The following ADGRB1 variants were observed in gnomAD, a reference collection of about 807,000 sequenced individuals.
ADGRB1 encodes the protein brain-specific angiogenesis inhibitor 1.
In ADGRB1, 36 loss-of-function variants were observed where a neutral mutation model predicts 175.7. That is an observed-to-expected ratio of 0.20 (90% CI 0.16 to 0.27). The LOEUF (loss-of-function observed/expected upper bound fraction) is 0.27. Among genes scored for constraint, ADGRB1 ranks in the 10% least tolerant of loss-of-function variants. ADGRB1 has a pLI of 1.00. For synonymous variants in ADGRB1, 1,054 were observed against 979.4 expected (o/e 1.08, Z -1.42); for missense variants, 1,731 against 2,255.3 (o/e 0.77, Z 4.71).
At position 142,522,047 on chromosome 8, in the gene ADGRB1, C is replaced by T; in HGVS notation, c.3107C>T (p.Ser1036Phe). Reference sequence around the variant, plus strand: ...TGGGTGCTCACCGAGGCCTGGCAGTCCTACATGGCGGTGACGGGCCACCTC... The same window carrying T: ...TGGGTGCTCACCGAGGCCTGGCAGTTCTACATGGCGGTGACGGGCCACCTC... ...FCWVLTEAWQSYMAVTGHLRN... is the reference protein window; with the variant it reads ...FCWVLTEAWQFYMAVTGHLRN... Residue 1036 changes from serine (S) to phenylalanine (F), a missense_variant, in exon 21 of 31, where the codon TCC becomes TTC. Ser to Phe is a radical substitution (Grantham distance 155). Transcript: ENST00000517894. The T allele has an allele frequency of 6.2e-7, 1 of 1,613,110 alleles. No homozygotes were observed. The highest frequency in any genetic ancestry group is 8.5e-7 in the Non-Finnish European group (1 of 1,179,684).
rs1168368243 is a variant in ADGRB1, at chr8:142,541,968, G to A, written c.3734G>A (p.Arg1245His). 5 of 1,567,958 alleles carry A rather than the reference G, an allele frequency of 3.2e-6. No individual in the cohort carries two copies. Among genetic ancestry groups the A allele is most frequent in the African/African-American group, 1.4e-5 (1 of 73,588 alleles). The change falls in exon 28 of 31, where the codon CGC becomes CAC. Residue 1245 changes from arginine to histidine, a missense_variant. Around this residue, in one of 8 missense-constraint regions of ADGRB1, gnomAD observed 301 missense variants for 488.4 expected, o/e 0.62. Transcript: ENST00000517894. ...SVLNKDIAACRTATITGTLKR... is the reference protein window; with the variant it reads ...SVLNKDIAACHTATITGTLKR... ...CTGAACAAGGACATCGCGGCCTGCC[G>A]CACTGCCACCATCACGGGCACACTG...
intron 2 of ADGRB1, among the ~76,000 whole-genome samples, chr8:142,467,541 T>C (rs1193712778): frequency 6.6e-6 from 1 of 152,116 alleles, no homozygotes; most frequent in African/African-American, 2.4e-5. Flanking sequence ...GAGAAGAAGA[T>C]CTGGAGGTCA....
chr8:142,459,125 G>A (rs1019988369), intron 1 of ADGRB1, among the ~76,000 whole-genome samples: 1 of 152,244 alleles, frequency 6.6e-6, no homozygotes, highest in African/African-American at 2.4e-5. Context: ...CTGGCATGGG[G>A]TGGGCTCAGG....
intron 1 of ADGRB1, among the ~76,000 whole-genome samples, chr8:142,458,030 A>C (rs1839775609): frequency 6.7e-6 from 1 of 150,022 alleles, no homozygotes; most frequent in Non-Finnish European, 1.5e-5. Context: ...TTTTCTCAGG[A>C]CACACAGGCG....
intron 13 of ADGRB1, 71 bp downstream of exon 13, chr8:142,484,835 G>C: frequency 8.3e-7 from 1 of 1,203,444 alleles, no homozygotes; most frequent in South Asian, 1.4e-5. Flanking sequence ...TTCTGCCTCA[G>C]CATCCTCATC....
Position 142,473,773 on chromosome 8 carries a change from C to A in ADGRB1, c.785-1701C>A, listed in dbSNP as rs1314921664. Among the ~76,000 whole-genome samples, 4 of 152,210 alleles carry A rather than the reference C, an allele frequency of 2.6e-5. No homozygotes were observed. In the East Asian group the frequency reaches 5.8e-4, roughly 22 times the overall value. On this transcript the variant is annotated intron_variant, in intron 2 of 30. Coordinates refer to ENST00000517894, the MANE Select transcript of ADGRB1 (RefSeq NM_001702.3). The stretch of plus-strand genomic sequence containing the variant: ...TGGAAGACTCCTCCCACCCTATGGA[C>A]CCCACCAGGGAGAAAATGAGGCCTC...
intron 19 of ADGRB1, among the ~76,000 whole-genome samples, chr8:142,520,348 GATT>G: frequency 6.9e-6 from 1 of 144,456 alleles, no homozygotes; most frequent in South Asian, 2.2e-4. Context: ...TAGTGGTAAT[GATT>G]GTATGATGAT....
At chr8:142,479,179 C>T (rs1359118021) in intron 7 of ADGRB1, 144 bp from the exon 8 acceptor site, 5 of 918,374 alleles carry the variant, frequency 5.4e-6, no homozygotes, top group Non-Finnish European at 7.3e-6. Flanking sequence ...CCTTCTTTGA[C>T]CTCCTGCCCC....
chr8:142,509,490 A>G (rs576503105), intron 17 of ADGRB1, among the ~76,000 whole-genome samples: 39 of 152,132 alleles, frequency 2.6e-4, no homozygotes, highest in African/African-American at 9.4e-4. Context: ...CAGGCTGGAG[A>G]GAGCGCCAGC....
intron 17 of ADGRB1, among the ~76,000 whole-genome samples, chr8:142,502,829 A>G (rs1265540232): frequency 6.6e-6 from 1 of 151,750 alleles, no homozygotes; most frequent in African/African-American, 2.4e-5. Context: ...GTTGTTGATG[A>G]TGACAGAGTG....
chr8:142,533,568 G>A (rs1204539223), intron 25 of ADGRB1, 102 bp downstream of exon 25: 1 of 1,365,626 alleles, frequency 7.3e-7, no homozygotes, highest in Admixed American at 2.2e-5. Context: ...ATTGTGGGTA[G>A]GCGCAGCATC....
In ADGRB1 at chr8:142,508,053, T is replaced by A. The variant is rs78916012; in HGVS notation, c.2676-2879T>A. On this transcript the variant is annotated intron_variant, in intron 17 of 30. Coordinates refer to ENST00000517894, the MANE Select transcript of ADGRB1 (RefSeq NM_001702.3). ...AGACAGCGGTGGGCCTGGATTCCAGTTTTTATGTGTCTGGCTGCATGCCCC... is the reference window on the plus strand; with the variant it reads ...AGACAGCGGTGGGCCTGGATTCCAGATTTTATGTGTCTGGCTGCATGCCCC... Among the ~76,000 whole-genome samples, 802 of 151,726 alleles carry A rather than the reference T, an allele frequency of 5.3e-3. 8 individuals are homozygous for A. The highest frequency in any genetic ancestry group is 0.018 in the African/African-American group (738 of 41,352).
chr8:142,483,340 TCACACTGAGC>T (rs1841477891), intron 11 of ADGRB1, among the ~76,000 whole-genome samples: 1 of 83,888 alleles, frequency 1.2e-5, no homozygotes, highest in Non-Finnish European at 2.2e-5. Context: ...CTGACCCTGG[TCACACTGAGC>T]CCTGACCCTG....
chr8:142,502,389 AGTGGT>A (rs1563718946), intron 17 of ADGRB1, among the ~76,000 whole-genome samples: 13 of 3,778 alleles, frequency 3.4e-3, no homozygotes, highest in Admixed American at 5.2e-3. Context: ...TGATGATGAC[AGTGGT>A]GGTGATGGTG....
intron 22 of ADGRB1, among the ~76,000 whole-genome samples, chr8:142,523,932 G>A (rs142988740): frequency 6.6e-6 from 1 of 152,238 alleles, no homozygotes; most frequent in African/African-American, 2.4e-5. Context: ...CCTGGGGAAG[G>A]AGGGACAGTC....
chr8:142,467,135 C>T lies in ADGRB1; in HGVS notation c.784+2153C>T, dbSNP rs118143566. ...GTGTCGGAGGGAGCGCTGAGCTTCACTCCTCACTGGGCACCTACTGAGTGC... is the reference window on the plus strand; with the variant it reads ...GTGTCGGAGGGAGCGCTGAGCTTCATTCCTCACTGGGCACCTACTGAGTGC... On this transcript the variant is annotated intron_variant, in intron 2 of 30. Transcript: ENST00000517894. Among the ~76,000 whole-genome samples, 506 of 152,338 alleles carry T rather than the reference C, an allele frequency of 3.3e-3. 3 individuals are homozygous for T. Among genetic ancestry groups the T allele is most frequent in the East Asian group, 5.0e-3 (26 of 5,170 alleles).
At chr8:142,532,543 G>A (rs1466269802) in intron 24 of ADGRB1, among the ~76,000 whole-genome samples, 2 of 152,288 alleles carry the variant, frequency 1.3e-5, no homozygotes, top group Admixed American at 1.3e-4. Context: ...AGGCATGGGC[G>A]GAGCTGGCCC....
chr8:142,482,163 C>T (rs1288661147), intron 11 of ADGRB1, among the ~76,000 whole-genome samples: 1 of 150,314 alleles, frequency 6.7e-6, no homozygotes, highest in Non-Finnish European at 1.5e-5. Flanking sequence ...TGATCATACA[C>T]TGAGCCCTGA....
At position 142,533,480 on chromosome 8, in the gene ADGRB1, C is replaced by T; in HGVS notation, c.3570+14C>T. On this transcript the variant is annotated intron_variant, in intron 25 of 30. Coordinates refer to ENST00000517894, the MANE Select transcript of ADGRB1 (RefSeq NM_001702.3). ...CTCCGTAGAGAGGTGGGTGAGGCAG[C>T]CTCTGTCGGGCCGGGCTCCTGCGGG... The T allele has an allele frequency of 1.9e-6, 3 of 1,579,838 alleles. No individual in the cohort carries two copies. Among genetic ancestry groups the T allele is most frequent in the Non-Finnish European group, 8.7e-7 (1 of 1,155,912 alleles).
Sources: allele counts gnomAD v4.1 joint callset (sites outside exome capture counted in the v4.1 genomes callset), GRCh38; gene constraint gnomAD v4.1.1; regional missense constraint gnomAD v4.1.1; transcripts MANE v1.5; gene names NCBI Gene and HGNC (gene_info 2026-07-23, HGNC 2026-07-21).